IQCM: variants seen among roughly 807,000 people sequenced by gnomAD.
IQCM encodes the protein IQ motif containing M, also known as IQ domain-containing protein M.
A neutral mutation model predicts 57.6 loss-of-function variants in IQCM; 45 were observed. The ratio of observed to expected loss-of-function variants is 0.78; its 90% CI spans 0.62 to 1.00. The LOEUF is 1.00. Ranked by LOEUF, IQCM falls within the 50% of genes least tolerant of loss-of-function variation. The pLI, the probability that IQCM is intolerant of heterozygous loss-of-function variation, is 0.00. For synonymous variants in IQCM, 148 were observed against 158.9 expected (o/e 0.93, Z 0.51); for missense variants, 468 against 511.6 (o/e 0.91, Z 0.82).
intron 7 of IQCM, among the ~76,000 whole-genome samples, chr4:149,624,658 G>T (rs1390954179): frequency 1.3e-5 from 2 of 152,174 alleles, no homozygotes; most frequent in Non-Finnish European, 2.9e-5. Flanking sequence ...TATAATTTTT[G>T]TAGTGACAAA....
intron 7 of IQCM, among the ~76,000 whole-genome samples, chr4:149,651,224 A>T (rs987520248): frequency 5.9e-5 from 9 of 152,268 alleles, no homozygotes; most frequent in Middle Eastern, 3.4e-3. Flanking sequence ...ATTTGAGAAA[A>T]AGGGAGATAA....
At chr4:149,773,938 AAT>A (rs1770828152) in intron 2 of IQCM, among the ~76,000 whole-genome samples, 1 of 152,214 alleles carries the variant, frequency 6.6e-6, no homozygotes. Flanking sequence ...TGAAATGCCA[AAT>A]CTGTAACAAT....
intron 9 of IQCM, among the ~76,000 whole-genome samples, chr4:149,570,372 A>G (rs976768088): frequency 6.6e-6 from 1 of 152,076 alleles, no homozygotes; most frequent in Non-Finnish European, 1.5e-5. Flanking sequence ...TTACGTGAAA[A>G]TGATGCCCAC....
rs181486105 is a variant in IQCM at position 149,409,164 on chromosome 4, G to A, written c.1390+24232C>T. Among the ~76,000 whole-genome samples the A allele has an allele frequency of 2.4e-3, 362 of 152,312 alleles. 2 individuals are homozygous for A. Among genetic ancestry groups the A allele is most frequent in the Middle Eastern group, 6.8e-3 (2 of 294 alleles). ...CCTTTGGAAATGATCCAGTGAGTGA[G>A]AAGCCAGATCAGAAAATATTTACTG... On this transcript the variant is annotated intron_variant, in intron 13 of 13. Coordinates refer to ENST00000636793, the MANE Select transcript of IQCM (RefSeq NM_001363507.2).
At chr4:149,682,230 A>G (rs1240408780) in intron 6 of IQCM, 24 bp from the exon 7 acceptor site, 1 of 1,029,590 alleles carries the variant, frequency 9.7e-7, no homozygotes, top group Non-Finnish European at 1.2e-6. Flanking sequence ...TTGGATCTTT[A>G]AGTAATTTGA....
At chr4:149,561,142 A>C (rs1750080373) in intron 10 of IQCM, among the ~76,000 whole-genome samples, 1 of 152,176 alleles carries the variant, frequency 6.6e-6, no homozygotes, top group African/African-American at 2.4e-5. Flanking sequence ...ACCAAGTAAA[A>C]GTCAACAATC....
At position 149,660,709 on chromosome 4, in the gene IQCM, A is replaced by G. The variant is rs573883871; in HGVS notation, c.565+21409T>C. ...GACATGGATGAAATTGGAAATCATC[A>G]TTCTCAGTAAACTATCGCAAGGACA... On this transcript the variant is annotated intron_variant, in intron 7 of 13. Transcript: ENST00000636793. 3.4e-3 allele frequency among the ~76,000 whole-genome samples: 523 copies of G among 152,222 alleles called. 3 individuals are homozygous for G. Among genetic ancestry groups the G allele is most frequent in the Non-Finnish European group, 4.3e-3 (290 of 68,014 alleles).
chr4:149,777,395 A>G (rs28539586), intron 2 of IQCM, among the ~76,000 whole-genome samples: 4,840 of 152,274 alleles, frequency 0.032, 218 homozygotes, highest in African/African-American at 0.1. Context: ...CTGGCTTTCT[A>G]ACAGCCTGGT....
chr4:149,612,934 G>A (rs1755434764), intron 8 of IQCM, among the ~76,000 whole-genome samples: 1 of 151,920 alleles, frequency 6.6e-6, no homozygotes. Flanking sequence ...AAAAATCATA[G>A]TCACTTACCT....
intron 8 of IQCM, among the ~76,000 whole-genome samples, chr4:149,607,674 T>C (rs955360873): frequency 6.6e-6 from 1 of 152,072 alleles, no homozygotes; most frequent in Non-Finnish European, 1.5e-5. Flanking sequence ...AGTTTTCTCT[T>C]TGTTTTCTTT....
At chr4:149,616,027 G>T (rs1357880770) in intron 8 of IQCM, among the ~76,000 whole-genome samples, 4 of 152,122 alleles carry the variant, frequency 2.6e-5, no homozygotes, top group Admixed American at 6.6e-5. Context: ...CAGCCACTGT[G>T]GAAAATGATA....
At chr4:149,462,508 T>A (rs1738412627) in intron 12 of IQCM, among the ~76,000 whole-genome samples, 1 of 152,194 alleles carries the variant, frequency 6.6e-6, no homozygotes, top group Non-Finnish European at 1.5e-5. Context: ...TCTTTTCCCA[T>A]CTCTACAACA....
At chr4:149,489,469 A>T (rs949202030) in intron 12 of IQCM, among the ~76,000 whole-genome samples, 1 of 152,096 alleles carries the variant, frequency 6.6e-6, no homozygotes, top group Admixed American at 6.6e-5. Context: ...GTGCTACAGT[A>T]TATAAGCTAA....
chr4:149,647,918 C>T (rs796141671), intron 7 of IQCM, among the ~76,000 whole-genome samples: 11 of 152,220 alleles, frequency 7.2e-5, no homozygotes, highest in African/African-American at 2.4e-4. Flanking sequence ...TAGTGTCATT[C>T]TTACCTACTC....
rs1215035106 is a variant in IQCM at position 149,808,034 on chromosome 4, A to AACT, written c.-49+7274_-49+7276dup. ...AAGTTTCTCAAAAAACTAAAAATAG[A>AACT]ACTACCATATGATCCAGCAATTCCA... On this transcript the variant is annotated intron_variant, in intron 2 of 13. Coordinates refer to ENST00000636793, the MANE Select transcript of IQCM (RefSeq NM_001363507.2). 2.0e-5 allele frequency among the ~76,000 whole-genome samples: 3 copies of AACT among 152,140 alleles called. No individual in the cohort carries two copies. The East Asian group carries it at 5.8e-4, about 29-fold the overall frequency.
intron 10 of IQCM, among the ~76,000 whole-genome samples, chr4:149,558,033 T>C (rs1377737509): frequency 1.3e-5 from 2 of 152,216 alleles, no homozygotes; most frequent in African/African-American, 4.8e-5. Flanking sequence ...CTAACACTTT[T>C]CCTTGTACTG....
At chr4:149,433,612 C>T in intron 12 of IQCM, 55 bp from the exon 13 acceptor site, 2 of 696,686 alleles carry the variant, frequency 2.9e-6, no homozygotes, top group Non-Finnish European at 4.0e-6. Flanking sequence ...GACTGTCATA[C>T]TTGCTTCTTT....
At chr4:149,588,570 G>A (rs984218312) in intron 8 of IQCM, among the ~76,000 whole-genome samples, 4 of 151,774 alleles carry the variant, frequency 2.6e-5, no homozygotes, top group Non-Finnish European at 5.9e-5. Context: ...GGCTGAATGA[G>A]GTCAAAAGGG....
chr4:149,776,443 A>G (rs1309580822), intron 2 of IQCM, among the ~76,000 whole-genome samples: 1 of 152,166 alleles, frequency 6.6e-6, no homozygotes, highest in Non-Finnish European at 1.5e-5. Flanking sequence ...TTCAAATCTA[A>G]TATCTTTCCA....
Sources: gnomAD v4.1 joint callset for allele counts (sites outside exome capture counted in the v4.1 genomes callset) on GRCh38, gnomAD v4.1.1 for gene constraint, MANE v1.5 for transcripts, NCBI Gene and HGNC (gene_info 2026-07-23, HGNC 2026-07-21) for gene names.